Variants in SYT16 observed in about 807,000 individuals in gnomAD.
SYT16 encodes the protein synaptotagmin-16.
Under a neutral mutation model 61.4 loss-of-function variants are expected in SYT16, and 42 were observed. The observed-to-expected ratio is 0.68, with a 90% CI of 0.53 to 0.89. The LOEUF (loss-of-function observed/expected upper bound fraction) is 0.89. Ranked by LOEUF, SYT16 falls within the 40% of genes least tolerant of loss-of-function variation. The pLI is 0.00. For missense variants in SYT16, 804 were observed against 807.3 expected, an observed-to-expected ratio of 1.00 and a Z score of 0.05; for synonymous variants, 314 against 302.3, an observed-to-expected ratio of 1.04 and a Z score of -0.40.
chr14:62,076,028 T>C (rs2056484043), intron 5 of SYT16, among the ~76,000 whole-genome samples: 1 of 152,214 alleles, frequency 6.6e-6, no homozygotes, highest in Non-Finnish European at 1.5e-5. Context: ...CCAAAGTTCT[T>C]TTTCAAGTAA....
At chr14:62,051,084 G>A (rs1180684565) in intron 3 of SYT16, among the ~76,000 whole-genome samples, 1 of 152,236 alleles carries the variant, frequency 6.6e-6, no homozygotes, top group Non-Finnish European at 1.5e-5. Flanking sequence ...GCCTACAGAG[G>A]CAGGCAGGCC....
intron 3 of SYT16, among the ~76,000 whole-genome samples, chr14:62,016,502 G>C (rs1828080708): frequency 6.8e-6 from 1 of 146,330 alleles, no homozygotes; most frequent in African/African-American, 2.5e-5. Flanking sequence ...GACCATCTTG[G>C]CTAACACGGT....
chr14:62,000,263 A>G (rs970808484), intron 3 of SYT16, among the ~76,000 whole-genome samples: 6 of 151,540 alleles, frequency 4.0e-5, no homozygotes, highest in Admixed American at 4.0e-4. Context: ...AAGTACGTAC[A>G]TGTATTAGAA....
chr14:61,988,881 ATT>A (rs35791529), intron 2 of SYT16, among the ~76,000 whole-genome samples: 8 of 151,092 alleles, frequency 5.3e-5, no homozygotes, highest in African/African-American at 1.5e-4. Flanking sequence ...ATCTAATCGC[ATT>A]TTTTTTTTAA....
intron 3 of SYT16, among the ~76,000 whole-genome samples, chr14:62,019,866 A>G (rs528644903): frequency 1.3e-5 from 2 of 152,236 alleles, no homozygotes; most frequent in African/African-American, 2.4e-5. Flanking sequence ...AAAAGCGCCT[A>G]TCTGACACCT....
intron 3 of SYT16, among the ~76,000 whole-genome samples, chr14:62,056,500 G>A (rs1018133883): frequency 1.8e-4 from 27 of 152,290 alleles, no homozygotes; most frequent in Middle Eastern, 3.4e-3. Flanking sequence ...ATAAAACTCC[G>A]TTTCCGGATG....
chr14:61,886,965 C>A (rs187220545), intron 1 of SYT16, among the ~76,000 whole-genome samples: 75 of 144,692 alleles, frequency 5.2e-4, no homozygotes, highest in African/African-American at 1.8e-3. Context: ...TCTCGAACTC[C>A]TGGGCTCAAG....
chr14:62,061,499 A>T (rs536855752), intron 3 of SYT16, among the ~76,000 whole-genome samples: 1 of 152,306 alleles, frequency 6.6e-6, no homozygotes, highest in African/African-American at 2.4e-5. Flanking sequence ...TATAGCTATA[A>T]GAAGCATACA....
intron 3 of SYT16, among the ~76,000 whole-genome samples, chr14:62,035,497 T>C (rs1181788539): frequency 6.6e-6 from 1 of 152,206 alleles, no homozygotes; most frequent in East Asian, 1.9e-4. Flanking sequence ...GGAATATATA[T>C]TTAATTCCAT....
intron 1 of SYT16, among the ~76,000 whole-genome samples, chr14:61,855,860 T>A (rs2046757870): frequency 6.6e-6 from 1 of 152,252 alleles, no homozygotes; most frequent in South Asian, 2.1e-4. Flanking sequence ...GTCCAGTCCT[T>A]TTGTAATAAA....
intron 1 of SYT16, among the ~76,000 whole-genome samples, chr14:61,880,334 G>C (rs2140317642): frequency 6.6e-6 from 1 of 152,346 alleles, no homozygotes; most frequent in Middle Eastern, 3.4e-3. Flanking sequence ...GAGCATCTCT[G>C]TGACCACATC....
intron 3 of SYT16, among the ~76,000 whole-genome samples, chr14:62,065,601 A>G (rs1471445273): frequency 6.6e-6 from 1 of 152,204 alleles, no homozygotes; most frequent in African/African-American, 2.4e-5. Context: ...TTTGAAATGG[A>G]TGACTTATGA....
chr14:62,073,819 T>C (rs1002600511), intron 4 of SYT16, among the ~76,000 whole-genome samples: 8 of 152,202 alleles, frequency 5.3e-5, no homozygotes, highest in Non-Finnish European at 1.5e-5. Flanking sequence ...ATTTGCTACC[T>C]ACCTAGACTT....
intron 3 of SYT16, among the ~76,000 whole-genome samples, chr14:62,042,358 A>G (rs1488819980): frequency 6.6e-6 from 1 of 152,132 alleles, no homozygotes; most frequent in African/African-American, 2.4e-5. Context: ...CGTGCAAGAT[A>G]TATATAAATA....
At chr14:61,912,853 A>G (rs1419734773) in intron 1 of SYT16, among the ~76,000 whole-genome samples, 2 of 152,222 alleles carry the variant, frequency 1.3e-5, no homozygotes, top group African/African-American at 2.4e-5. Flanking sequence ...ACAGACAGAA[A>G]CAGAATGAAC....
At chr14:61,850,945 G>T (rs1221319307) in intron 1 of SYT16, among the ~76,000 whole-genome samples, 1 of 151,950 alleles carries the variant, frequency 6.6e-6, no homozygotes, top group Non-Finnish European at 1.5e-5. Context: ...TACAAGATGT[G>T]CAGGTTTGTT....
At chr14:62,092,173 A>AACACACACACACACACACAC (rs56324432) in intron 7 of SYT16, among the ~76,000 whole-genome samples, 2 of 131,322 alleles carry the variant, frequency 1.5e-5, no homozygotes, top group African/African-American at 2.8e-5. Flanking sequence ...TGGCTACTAT[A>AACACACACACACACACACAC]ACACACACAC....
chr14:62,112,565 A>C (rs1192637784), downstream of SYT16: 1 of 152,124 alleles, frequency 6.6e-6, no homozygotes, highest in Non-Finnish European at 1.5e-5. Flanking sequence ...CATGTGTGAA[A>C]ATTTTTTATG....
intron 7 of SYT16, among the ~76,000 whole-genome samples, chr14:62,099,490 G>T (rs2141020000): frequency 6.6e-6 from 1 of 152,278 alleles, no homozygotes; most frequent in East Asian, 1.9e-4. Context: ...CACAGGGATA[G>T]GGAACACTGG....
Sources: allele counts gnomAD v4.1 joint callset (sites outside exome capture counted in the v4.1 genomes callset), GRCh38; gene constraint gnomAD v4.1.1; transcripts MANE v1.5; gene names NCBI Gene and HGNC (gene_info 2026-07-23, HGNC 2026-07-21).